The following PSPC1 variants were observed in gnomAD, a reference collection of about 807,000 sequenced individuals.
PSPC1 encodes paraspeckle component 1, also known as paraspeckle protein 1.
In PSPC1, 14 loss-of-function variants were observed where a neutral mutation model predicts 51.6. The observed-to-expected ratio is 0.27, with a 90% CI of 0.18 to 0.42. The LOEUF (loss-of-function observed/expected upper bound fraction) is 0.42, where lower values mean the gene tolerates loss of function less well. Among genes scored for constraint, PSPC1 ranks in the 10% least tolerant of loss-of-function variants. The pLI, the probability that PSPC1 is intolerant of heterozygous loss-of-function variation, is 1.00. For synonymous variants in PSPC1, 193 were observed against 231.9 expected, an observed-to-expected ratio of 0.83 and a Z score of 1.53; for missense variants, 406 against 701.1, an observed-to-expected ratio of 0.58 and a Z score of 4.75.
chr13:19,776,570 C>T (rs573520799), intron 1 of PSPC1, among the ~76,000 whole-genome samples: 1 of 151,758 alleles, frequency 6.6e-6, no homozygotes, highest in South Asian at 2.1e-4. Context: ...TGGAGTGCAG[C>T]TGCGCAATCT....
At chr13:19,717,705 C>CCA (rs1882275501) in intron 6 of PSPC1, among the ~76,000 whole-genome samples, 1 of 72,258 alleles carries the variant, frequency 1.4e-5, no homozygotes, top group African/African-American at 5.1e-5. Flanking sequence ...GACTCTGTCT[C>CCA]AAAAAAAAAA....
At chr13:19,728,224 A>T (rs1158836055) in intron 6 of PSPC1, among the ~76,000 whole-genome samples, 1 of 152,188 alleles carries the variant, frequency 6.6e-6, no homozygotes, top group African/African-American at 2.4e-5. Flanking sequence ...GTAAATCAAT[A>T]TTTATTTTAT....
At chr13:19,742,021 ACT>A (rs1390328632) in intron 4 of PSPC1, among the ~76,000 whole-genome samples, 1 of 152,102 alleles carries the variant, frequency 6.6e-6, no homozygotes, top group Non-Finnish European at 1.5e-5. Context: ...AGTCCCAGCT[ACT>A]CAGAAGGCTG....
Position 19,709,593 on chromosome 13 carries a change from G to T in PSPC1, c.1165C>A (p.Gln389Lys), listed in dbSNP as rs1274222620. The stretch of plus-strand genomic sequence containing the variant: ...CCCATATCACCCATTCTCATTTCCT[G>T]TTCTCTCTGTAAGTAAACATAGTTG... ...FKPNYMENREQEMRMGDMGPR... is the reference protein window; with the variant it reads ...FKPNYMENREKEMRMGDMGPR... Residue 389 changes from glutamine (Q) to lysine (K), a missense_variant, in exon 7 of 9, where the codon CAG (glutamine) becomes AAG (lysine). Transcript: ENST00000338910. The T allele has an allele frequency of 6.2e-7, 1 of 1,610,884 alleles. No homozygotes were observed. The highest frequency in any genetic ancestry group is 8.5e-7 in the Non-Finnish European group (1 of 1,178,594).
chr13:19,759,514 T>C lies in PSPC1; in HGVS notation c.675-96A>G. 4 of 841,562 alleles carry C rather than the reference T, an allele frequency of 4.8e-6. No homozygotes were observed. The South Asian group carries it at 5.4e-5, about 11-fold the overall frequency. 52.1% of individuals were successfully genotyped at this position (841,562 alleles called of 1,614,324 possible). ...TTTTATAATAATAAAGATATATACTTAGAAAATGTCTCACTTGAGAAAAAT... is the reference window on the plus strand; with the variant it reads ...TTTTATAATAATAAAGATATATACTCAGAAAATGTCTCACTTGAGAAAAAT... On this transcript the variant is annotated intron_variant, in intron 2 of 8. Coordinates refer to ENST00000338910, the MANE Select transcript of PSPC1 (RefSeq NM_001354909.2).
chr13:19,741,721 G>T, intron 4 of PSPC1, 72 bp from the exon 5 acceptor site: 1 of 946,694 alleles, frequency 1.1e-6, no homozygotes, highest in Non-Finnish European at 1.6e-6. Flanking sequence ...AAGCATAGAA[G>T]TTCTCTATCA....
intron 2 of PSPC1, among the ~76,000 whole-genome samples, chr13:19,760,902 C>A (rs57897773): frequency 6.6e-6 from 1 of 151,818 alleles, no homozygotes; most frequent in African/African-American, 2.4e-5. Context: ...GCAGGAGAAT[C>A]GCTTGAATCC....
At chr13:19,675,790 T>G (rs1876569780) in intron 7 of PSPC1, 1 of 152,206 alleles carries the variant, frequency 6.6e-6, no homozygotes, top group African/African-American at 2.4e-5. Flanking sequence ...AATTCAAGCT[T>G]CAATATTAAG....
chr13:19,677,866 A>C (rs1160413821), intron 6 of PSPC1: 1 of 464,086 alleles, frequency 2.2e-6, no homozygotes, highest in South Asian at 1.6e-5. Context: ...TTAAGAACTG[A>C]TTTCAATAAA....
At chr13:19,713,426 T>C (rs977613687) in intron 6 of PSPC1, among the ~76,000 whole-genome samples, 1 of 150,716 alleles carries the variant, frequency 6.6e-6, no homozygotes, top group African/African-American at 2.4e-5. Flanking sequence ...GTCATATGGA[T>C]AGTAAGTGGC....
At chr13:19,701,616 T>C (rs1879913726), downstream of PSPC1, among the ~76,000 whole-genome samples, 1 of 152,178 alleles carries the variant, frequency 6.6e-6, no homozygotes, top group African/African-American at 2.4e-5. Flanking sequence ...CGTATGAAAA[T>C]TTTAATTAGT....
rs544629626 is a variant in PSPC1, at chr13:19,687,864, T to C, written c.1159-10041A>G. On this transcript the variant is annotated intron_variant and NMD_transcript_variant, in intron 6 of 7. Coordinates refer to the PSPC1 transcript ENST00000471658. ...CTTGCCAAAAATCTCCTAACGATTT[T>C]TGGAGATTTTTTCAATGGGTCTTTA... 5.3e-5 allele frequency among the ~76,000 whole-genome samples: 8 copies of C among 152,190 alleles called. No homozygotes were observed. The East Asian group carries it at 1.5e-3, about 29-fold the overall frequency.
chr13:19,734,117 T>A (rs1884474863), intron 5 of PSPC1, among the ~76,000 whole-genome samples: 1 of 152,170 alleles, frequency 6.6e-6, no homozygotes. Context: ...ACATTCCTGT[T>A]GTCCATATAT....
At chr13:19,742,998 CA>C (rs1885590419) in intron 4 of PSPC1, among the ~76,000 whole-genome samples, 1 of 151,996 alleles carries the variant, frequency 6.6e-6, no homozygotes, top group African/African-American at 2.4e-5. Context: ...TTTTCAACAA[CA>C]AAAAAGCATT....
chr13:19,736,449 C>T lies in PSPC1; in HGVS notation c.1052+5116G>A, dbSNP rs376478959. Among the ~76,000 whole-genome samples, 150 of 152,024 alleles carry T rather than the reference C, an allele frequency of 9.9e-4. 3 individuals are homozygous for T. In the East Asian group the frequency reaches 0.023, roughly 24 times the overall value. ...CTGTAATCCCAGCACTTTGGGAGGC[C>T]GAGGCGGGCGGATCACAAGGTCAGC... On this transcript the variant is annotated intron_variant, in intron 5 of 8. Transcript: ENST00000338910.
intron 3 of PSPC1, among the ~76,000 whole-genome samples, chr13:19,756,304 T>C (rs975058387): frequency 6.6e-6 from 1 of 152,134 alleles, no homozygotes; most frequent in Non-Finnish European, 1.5e-5. Flanking sequence ...AGTGGTACTT[T>C]CATTTTCAAT....
intron 7 of PSPC1, 76 bp from the exon 8 acceptor site, chr13:19,705,907 A>T: frequency 2.3e-6 from 3 of 1,292,338 alleles, no homozygotes; most frequent in Non-Finnish European, 3.2e-6. Context: ...ATATTTATGC[A>T]ATCTATATAC....
chr13:19,764,348 C>CTGCA, intron 2 of PSPC1, among the ~76,000 whole-genome samples: 1 of 152,182 alleles, frequency 6.6e-6, no homozygotes, highest in Admixed American at 6.6e-5. Flanking sequence ...ATTTTACGCA[C>CTGCA]TGCATGCATG....
At chr13:19,686,967 TG>T (rs1210312256) in intron 6 of PSPC1, among the ~76,000 whole-genome samples, 1 of 152,002 alleles carries the variant, frequency 6.6e-6, no homozygotes, top group African/African-American at 2.4e-5. Context: ...GAGGCCAAGG[TG>T]GGCGGATCAT....
Sources: allele counts gnomAD v4.1 joint callset (sites outside exome capture counted in the v4.1 genomes callset), GRCh38; gene constraint gnomAD v4.1.1; transcripts MANE v1.5; gene names NCBI Gene and HGNC (gene_info 2026-07-23, HGNC 2026-07-21).